Variants in KCNMA1 observed in about 807,000 individuals in gnomAD.
KCNMA1 encodes the protein Calcium-activated potassium channel subunit alpha-1.
A neutral mutation model predicts 140.0 loss-of-function variants in KCNMA1; 29 were observed. The observed-to-expected ratio is 0.21, with a 90% CI of 0.15 to 0.28. KCNMA1 has a LOEUF of 0.28. Ranked by LOEUF, KCNMA1 falls within the 10% of genes least tolerant of loss-of-function variation. KCNMA1 has a pLI of 1.00. For missense variants in KCNMA1, 880 were observed against 1,602.2 expected, an observed-to-expected ratio of 0.55 and a Z score of 7.70; for synonymous variants, 612 against 611.9, an observed-to-expected ratio of 1.00 and a Z score of 0.00.
intron 1 of KCNMA1, among the ~76,000 whole-genome samples, chr10:77,557,645 ATTTTTT>A (rs148296325): frequency 0.092 from 12,100 of 131,960 alleles, 595 homozygotes; most frequent in Admixed American, 0.16. Context: ...CCAGGAAGTG[ATTTTTT>A]TTTTTTTTTT....
intron 2 of KCNMA1, among the ~76,000 whole-genome samples, chr10:77,279,470 A>G (rs995584586): frequency 6.6e-6 from 1 of 152,184 alleles, no homozygotes; most frequent in Non-Finnish European, 1.5e-5. Context: ...TTTGTGGTTA[A>G]CTGGTAACTT....
chr10:77,059,475 C>T (rs1440743335), intron 14 of KCNMA1, among the ~76,000 whole-genome samples: 1 of 151,914 alleles, frequency 6.6e-6, no homozygotes, highest in Non-Finnish European at 1.5e-5. Context: ...AAACCAAATC[C>T]ACCAACATGT....
At chr10:76,958,391 C>A (rs1300213045) in intron 20 of KCNMA1, among the ~76,000 whole-genome samples, 2 of 152,196 alleles carry the variant, frequency 1.3e-5, no homozygotes, top group African/African-American at 4.8e-5. Flanking sequence ...GCTCACTTGT[C>A]ACTTGCGACT....
intron 9 of KCNMA1, among the ~76,000 whole-genome samples, chr10:77,106,501 C>T (rs2097201194): frequency 6.6e-6 from 1 of 151,550 alleles, no homozygotes; most frequent in African/African-American, 2.4e-5. Context: ...AGCCCACCCA[C>T]CAGCTCACCC....
In KCNMA1 at chr10:76,886,758, A is replaced by G. The variant is rs1245418121; in HGVS notation, c.*508T>C. The G allele has an allele frequency of 2.0e-6, 2 of 1,020,672 alleles. No individual in the cohort carries two copies. Among genetic ancestry groups the G allele is most frequent in the Admixed American group, 5.1e-5 (1 of 19,630 alleles). 63.2% of individuals were successfully genotyped at this position (1,020,672 alleles called of 1,614,324 possible). On this transcript the variant is annotated 3_prime_UTR_variant, in exon 28 of 28. Transcript: ENST00000286628. The stretch of plus-strand genomic sequence containing the variant: ...TCGGCCCAGAGACTGGAAACAATCA[A>G]TATGTTTTCATTGCTGTTTGGTTGC...
chr10:77,454,493 T>C (rs1403015448), intron 1 of KCNMA1, among the ~76,000 whole-genome samples: 2 of 152,248 alleles, frequency 1.3e-5, no homozygotes, highest in Non-Finnish European at 2.9e-5. Context: ...TCTCTGCCTA[T>C]AATTTTACAA....
chr10:77,206,839 T>C (rs1205349885), intron 3 of KCNMA1, among the ~76,000 whole-genome samples: 1 of 152,058 alleles, frequency 6.6e-6, no homozygotes, highest in East Asian at 1.9e-4. Context: ...TCTTAGTTCA[T>C]TCTCACTAAG....
chr10:77,031,270 C>G (rs2093920651), intron 15 of KCNMA1, among the ~76,000 whole-genome samples: 1 of 152,206 alleles, frequency 6.6e-6, no homozygotes, highest in Admixed American at 6.5e-5. Flanking sequence ...CACATAGAAA[C>G]TGGCTTTTCA....
chr10:77,533,362 G>A (rs1298468647), intron 1 of KCNMA1, among the ~76,000 whole-genome samples: 2 of 152,150 alleles, frequency 1.3e-5, no homozygotes, highest in Admixed American at 6.6e-5. Context: ...CTGGAGCTCC[G>A]GGTCTAGTTT....
At chr10:77,107,372 T>C (rs2097217667) in intron 9 of KCNMA1, among the ~76,000 whole-genome samples, 1 of 152,206 alleles carries the variant, frequency 6.6e-6, no homozygotes, top group Non-Finnish European at 1.5e-5. Flanking sequence ...GGTGTGTACA[T>C]AGGTACAAGT....
At chr10:77,336,270 C>G (rs1289667875) in intron 2 of KCNMA1, among the ~76,000 whole-genome samples, 1 of 152,054 alleles carries the variant, frequency 6.6e-6, no homozygotes, top group Non-Finnish European at 1.5e-5. Flanking sequence ...TAACCATTAC[C>G]TAGCTTCCAC....
chr10:77,210,451 C>A (rs1461163818), intron 3 of KCNMA1, among the ~76,000 whole-genome samples: 1 of 152,052 alleles, frequency 6.6e-6, no homozygotes, highest in Non-Finnish European at 1.5e-5. Flanking sequence ...AACCCACAAC[C>A]AACATTATAC....
At chr10:77,028,558 C>T (rs1349518667) in intron 15 of KCNMA1, among the ~76,000 whole-genome samples, 2 of 152,094 alleles carry the variant, frequency 1.3e-5, no homozygotes, top group South Asian at 2.1e-4. Flanking sequence ...TCACAGGCCA[C>T]GTCAACTCTA....
At chr10:77,070,976 G>A (rs2096184136) in intron 14 of KCNMA1, among the ~76,000 whole-genome samples, 1 of 152,178 alleles carries the variant, frequency 6.6e-6, no homozygotes, top group Non-Finnish European at 1.5e-5. Context: ...CATATTCAGA[G>A]AGCTACTTCC....
At chr10:77,355,404 G>A (rs940036058) in intron 2 of KCNMA1, among the ~76,000 whole-genome samples, 5 of 152,100 alleles carry the variant, frequency 3.3e-5, no homozygotes, top group South Asian at 4.1e-4. Flanking sequence ...TCTCTGTTCC[G>A]TGGCAGCAGT....
chr10:77,480,823 C>A (rs1027567677), intron 1 of KCNMA1, among the ~76,000 whole-genome samples: 1 of 152,116 alleles, frequency 6.6e-6, no homozygotes, highest in East Asian at 1.9e-4. Context: ...AAGACACACA[C>A]GTGCAGCCGG....
At chr10:77,117,473 C>T (rs1205105577) in intron 6 of KCNMA1, among the ~76,000 whole-genome samples, 1 of 132,698 alleles carries the variant, frequency 7.5e-6, no homozygotes, top group African/African-American at 2.7e-5. Flanking sequence ...GGCTTGAACC[C>T]TGGAGACGGA....
At chr10:77,185,598 A>T (rs2098842815) in intron 3 of KCNMA1, among the ~76,000 whole-genome samples, 1 of 144,636 alleles carries the variant, frequency 6.9e-6, no homozygotes, top group Non-Finnish European at 1.5e-5. Flanking sequence ...CTAAGGGTTA[A>T]TTTTTTTTTT....
intron 2 of KCNMA1, among the ~76,000 whole-genome samples, chr10:77,327,646 C>T (rs575951211): frequency 4.6e-5 from 7 of 152,112 alleles, no homozygotes; most frequent in Non-Finnish European, 1.0e-4. Flanking sequence ...TGAGCCACCT[C>T]GCCTGACCAG....
Sources: allele counts gnomAD v4.1 joint callset (sites outside exome capture counted in the v4.1 genomes callset), GRCh38; gene constraint gnomAD v4.1.1; transcripts MANE v1.5; gene names NCBI Gene and HGNC (gene_info 2026-07-23, HGNC 2026-07-21).